The following SORCS2 variants were observed in gnomAD, a reference collection of about 807,000 sequenced individuals.
SORCS2 encodes VPS10 domain-containing receptor SorCS2.
A neutral mutation model predicts 141.6 loss-of-function variants in SORCS2; 100 were observed. The observed-to-expected ratio is 0.71, with a 90% CI of 0.60 to 0.83. SORCS2 has a LOEUF of 0.83. Ranked by LOEUF, SORCS2 falls within the 40% of genes least tolerant of loss-of-function variation. The pLI, the probability that SORCS2 is intolerant of heterozygous loss-of-function variation, is 0.00. For missense variants in SORCS2, 1,646 were observed against 1,560.2 expected (o/e 1.05, Z -0.93); for synonymous variants, 789 against 676.9 (o/e 1.17, Z -2.57).
intron 2 of SORCS2, among the ~76,000 whole-genome samples, chr4:7,427,836 C>T (rs56747176): frequency 0.013 from 1,944 of 148,210 alleles, 33 homozygotes; most frequent in African/African-American, 0.045. Flanking sequence ...AACGATCCCA[C>T]ACCACCGCCC....
At chr4:7,687,916 C>T (rs554983117) in intron 10 of SORCS2, among the ~76,000 whole-genome samples, 4 of 152,276 alleles carry the variant, frequency 2.6e-5, no homozygotes, top group Admixed American at 6.5e-5. Flanking sequence ...ACCAACTGTC[C>T]GTTCCTGGCT....
At chr4:7,306,444 C>T (rs1011699511) in intron 1 of SORCS2, among the ~76,000 whole-genome samples, 27 of 152,248 alleles carry the variant, frequency 1.8e-4, no homozygotes, top group Admixed American at 5.2e-4. Context: ...GGCGGTGGCC[C>T]TGCTGTGTCT....
intron 1 of SORCS2, among the ~76,000 whole-genome samples, chr4:7,306,805 G>A (rs1023940784): frequency 2.0e-5 from 3 of 152,204 alleles, no homozygotes; most frequent in African/African-American, 7.2e-5. Flanking sequence ...AGGGGTGCAG[G>A]CACAAGTGGC....
chr4:7,729,368 C>T (rs1403385709), intron 22 of SORCS2, among the ~76,000 whole-genome samples: 1 of 152,016 alleles, frequency 6.6e-6, no homozygotes, highest in East Asian at 1.9e-4. Flanking sequence ...CGGCACAGGT[C>T]CTGAATAGCA....
At chr4:7,242,106 C>G (rs1308003420) in intron 1 of SORCS2, among the ~76,000 whole-genome samples, 1 of 152,204 alleles carries the variant, frequency 6.6e-6, no homozygotes, top group Admixed American at 6.5e-5. Flanking sequence ...CGCACTGATT[C>G]GGTAGGGCCT....
chr4:7,661,470 C>T, intron 5 of SORCS2, 30 bp from the exon 6 acceptor site: 2 of 1,551,138 alleles, frequency 1.3e-6, no homozygotes, highest in Non-Finnish European at 1.7e-6. Context: ...GACTCCATTC[C>T]CGACCCCAGC....
At position 7,725,267 on chromosome 4, in the gene SORCS2, T is replaced by G; in HGVS notation, c.2725T>G (p.Trp909Gly). 1 of 1,613,412 alleles carries G rather than the reference T, an allele frequency of 6.2e-7. No homozygotes were observed. The highest frequency in any genetic ancestry group is 8.5e-7 in the Non-Finnish European group (1 of 1,179,612). Residue 909 changes from tryptophan (W) to glycine (G), a missense_variant, in exon 20 of 27, where the codon TGG (tryptophan) becomes GGG (glycine). By Grantham distance (184) the Trp-to-Gly change is radical. Coordinates refer to ENST00000507866, the MANE Select transcript of SORCS2 (RefSeq NM_020777.3). Reference protein sequence around the residue: ...LNPNLTVFYWWIGHSLQPLLS... With the variant: ...LNPNLTVFYWGIGHSLQPLLS... ...CCCTAACCTCACCGTCTTCTACTGG[T>G]GGATCGGCCACAGCCTGCAGGTGCG...
chr4:7,433,480 C>T (rs750384884), intron 2 of SORCS2: 2 of 1,582,860 alleles, frequency 1.3e-6, no homozygotes, highest in Admixed American at 1.8e-5. Flanking sequence ...GTGGCAGGCC[C>T]CCACCTTCTT....
rs1469107498 is a variant in SORCS2 at position 7,723,688 on chromosome 4, T to C, written c.2425-9T>C. On this transcript the variant is annotated splice_polypyrimidine_tract_variant and intron_variant, in intron 18 of 26. Coordinates refer to ENST00000507866, the MANE Select transcript of SORCS2 (RefSeq NM_020777.3). ...CACTCCTGAGTGGCCACATGGTGTT[T>C]CTCTGCAGGGTGATGTCCTGACTAC... 38 of 1,613,758 alleles carry C rather than the reference T, an allele frequency of 2.4e-5. No homozygotes were observed. The highest frequency in any genetic ancestry group is 3.0e-5 in the Non-Finnish European group (35 of 1,179,800).
intron 1 of SORCS2, among the ~76,000 whole-genome samples, chr4:7,307,350 G>C (rs76837546): frequency 0.02 from 2,989 of 152,340 alleles, 84 homozygotes; most frequent in African/African-American, 0.069. Flanking sequence ...GATTCTTCCA[G>C]AAAAGAAGAA....
intron 2 of SORCS2, among the ~76,000 whole-genome samples, chr4:7,466,906 G>C (rs1729651700): frequency 6.6e-6 from 1 of 152,156 alleles, no homozygotes; most frequent in Admixed American, 6.5e-5. Flanking sequence ...GGATGGAAAT[G>C]GACCTAAATG....
At chr4:7,684,206 T>C (rs1455343417) in intron 10 of SORCS2, among the ~76,000 whole-genome samples, 1 of 152,118 alleles carries the variant, frequency 6.6e-6, no homozygotes, top group African/African-American at 2.4e-5. Context: ...AGAGCTGCAG[T>C]CTTAGCCCCC....
intron 4 of SORCS2, among the ~76,000 whole-genome samples, chr4:7,653,714 T>TGCCACACCCCTGCTCGAG (rs1721577278): frequency 6.6e-6 from 1 of 152,184 alleles, no homozygotes; most frequent in South Asian, 2.1e-4. Context: ...CTGCGGTAGA[T>TGCCACACCCCTGCTCGAG]GCCACACCCC....
chr4:7,229,686 G>T (rs925135017), intron 1 of SORCS2, among the ~76,000 whole-genome samples: 6 of 152,246 alleles, frequency 3.9e-5, no homozygotes, highest in Non-Finnish European at 8.8e-5. Flanking sequence ...GGGTGTTCCA[G>T]GGTCGTGGGT....
intron 3 of SORCS2, among the ~76,000 whole-genome samples, chr4:7,620,222 C>T (rs994926521): frequency 1.6e-4 from 25 of 152,218 alleles, no homozygotes; most frequent in African/African-American, 6.0e-4. Flanking sequence ...CCCACAATAT[C>T]ACCATGCATT....
chr4:7,552,691 A>C (rs999235550), intron 3 of SORCS2, among the ~76,000 whole-genome samples: 6 of 152,122 alleles, frequency 3.9e-5, no homozygotes, highest in Non-Finnish European at 5.9e-5. Flanking sequence ...TGGGGTGGGC[A>C]TCTCCTCACT....
At chr4:7,695,260 A>AAT (rs1724523766) in intron 11 of SORCS2, among the ~76,000 whole-genome samples, 1 of 107,488 alleles carries the variant, frequency 9.3e-6, no homozygotes, top group African/African-American at 3.6e-5. Flanking sequence ...GGATGGTTAG[A>AAT]TGGATGGGTG....
chr4:7,487,188 G>A (rs1368345613), intron 2 of SORCS2, among the ~76,000 whole-genome samples: 1 of 152,212 alleles, frequency 6.6e-6, no homozygotes, highest in Non-Finnish European at 1.5e-5. Flanking sequence ...CCTGCACCAA[G>A]AAGCCCACCC....
At chr4:7,719,027 G>T (rs561272523) in intron 18 of SORCS2, among the ~76,000 whole-genome samples, 3 of 152,368 alleles carry the variant, frequency 2.0e-5, no homozygotes, top group South Asian at 2.1e-4. Flanking sequence ...GCAAAAGAGG[G>T]TTCGATGCAT....
Sources: allele counts gnomAD v4.1 joint callset (sites outside exome capture counted in the v4.1 genomes callset), GRCh38; gene constraint gnomAD v4.1.1; transcripts MANE v1.5; gene names NCBI Gene and HGNC (gene_info 2026-07-23, HGNC 2026-07-21).